STK39: variants seen among roughly 807,000 people sequenced by gnomAD.
STK39 encodes STE20/SPS1-related proline-alanine-rich protein kinase.
STK39 carries 20 observed loss-of-function variants against 77.8 expected under a neutral mutation model. The observed-to-expected ratio is 0.26, with a 90% CI of 0.18 to 0.37. The LOEUF (loss-of-function observed/expected upper bound fraction) is 0.37, where lower values mean the gene tolerates loss of function less well. STK39 is among the 10% of genes least tolerant of loss of function. STK39 has a pLI of 1.00. For synonymous variants in STK39, 246 were observed against 234.1 expected (o/e 1.05, Z -0.47); for missense variants, 479 against 656.5 (o/e 0.73, Z 2.95).
intron 10 of STK39, among the ~76,000 whole-genome samples, chr2:168,110,066 C>A (rs983782355): frequency 6.6e-6 from 1 of 152,092 alleles, no homozygotes; most frequent in Non-Finnish European, 1.5e-5. Context: ...ACAGTCTTTT[C>A]TTTTATAGAT....
chr2:168,225,887 G>A (rs764210251), intron 1 of STK39, among the ~76,000 whole-genome samples: 20 of 152,088 alleles, frequency 1.3e-4, no homozygotes, highest in Non-Finnish European at 2.8e-4. Flanking sequence ...CTGAGTTTAG[G>A]GCAGTCAGGT....
At chr2:168,227,901 C>T (rs1690348533) in intron 1 of STK39, among the ~76,000 whole-genome samples, 1 of 152,132 alleles carries the variant, frequency 6.6e-6, no homozygotes, top group African/African-American at 2.4e-5. Flanking sequence ...TAATGATCCG[C>T]CCTCCTCAGC....
chr2:168,243,941 G>A (rs1195186085), intron 1 of STK39, among the ~76,000 whole-genome samples: 1 of 152,110 alleles, frequency 6.6e-6, no homozygotes. Flanking sequence ...AGAGAGGTAA[G>A]GAACAAAGAT....
At chr2:168,049,530 G>A (rs987076491) in intron 14 of STK39, among the ~76,000 whole-genome samples, 6 of 152,202 alleles carry the variant, frequency 3.9e-5, no homozygotes, top group Non-Finnish European at 8.8e-5. Context: ...TTCCTGCTCA[G>A]GTACTAAACA....
At chr2:168,081,993 C>G (rs954153557) in intron 10 of STK39, among the ~76,000 whole-genome samples, 1 of 152,138 alleles carries the variant, frequency 6.6e-6, no homozygotes, top group Non-Finnish European at 1.5e-5. Context: ...TGCCTAGTCT[C>G]GGGTATGTCT....
intron 16 of STK39, among the ~76,000 whole-genome samples, chr2:167,995,601 G>A (rs1296972581): frequency 6.6e-6 from 1 of 152,138 alleles, no homozygotes; most frequent in Non-Finnish European, 1.5e-5. Context: ...AAAGAACAGA[G>A]AGTATCAAGA....
chr2:168,141,829 A>G (rs2105534229), intron 5 of STK39, among the ~76,000 whole-genome samples: 1 of 152,328 alleles, frequency 6.6e-6, no homozygotes, highest in Admixed American at 6.5e-5. Flanking sequence ...CCTCAAGTAC[A>G]AACCAAGGTC....
chr2:168,071,267 C>T (rs16854636), intron 12 of STK39, among the ~76,000 whole-genome samples: 3,033 of 152,112 alleles, frequency 0.02, 103 homozygotes, highest in African/African-American at 0.07. Flanking sequence ...GTTTAATATT[C>T]GACTTGCAGT....
At chr2:168,024,693 A>G (rs1353390591) in intron 14 of STK39, among the ~76,000 whole-genome samples, 1 of 152,224 alleles carries the variant, frequency 6.6e-6, no homozygotes, top group Admixed American at 6.5e-5. Context: ...TTGTTGTATC[A>G]GCACGAATGG....
At chr2:168,112,672 AT>A (rs1276010406) in intron 10 of STK39, among the ~76,000 whole-genome samples, 4 of 152,134 alleles carry the variant, frequency 2.6e-5, no homozygotes, top group African/African-American at 9.7e-5. Context: ...TATATTCAAA[AT>A]TTTGAACTTC....
At chr2:168,132,557 T>A (rs1687726363) in intron 8 of STK39, among the ~76,000 whole-genome samples, 1 of 152,160 alleles carries the variant, frequency 6.6e-6, no homozygotes, top group South Asian at 2.1e-4. Flanking sequence ...CATCTCTTGA[T>A]CTTTCGTGAC....
intron 10 of STK39, among the ~76,000 whole-genome samples, chr2:168,119,997 G>A: frequency 6.6e-6 from 1 of 152,114 alleles, no homozygotes; most frequent in East Asian, 1.9e-4. Context: ...TTAATTTTCA[G>A]GCCTGTACAC....
intron 1 of STK39, among the ~76,000 whole-genome samples, chr2:168,228,289 G>A (rs187849132): frequency 1.0e-3 from 157 of 151,768 alleles, no homozygotes; most frequent in African/African-American, 3.7e-3. Context: ...TGAAAGTACT[G>A]GGAATACAAA....
intron 1 of STK39, among the ~76,000 whole-genome samples, chr2:168,220,114 T>C (rs1447714069): frequency 6.6e-6 from 1 of 152,140 alleles, no homozygotes; most frequent in African/African-American, 2.4e-5. Flanking sequence ...GAGATAAAGG[T>C]CTCACTATGT....
At chr2:168,048,501 C>CGT (rs1297715068) in intron 14 of STK39, among the ~76,000 whole-genome samples, 5 of 137,898 alleles carry the variant, frequency 3.6e-5, no homozygotes, top group Non-Finnish European at 8.1e-5. Context: ...TGTGAGCCAC[C>CGT]GCGCCCGGCC....
At chr2:168,008,796 G>A (rs1684197340) in intron 16 of STK39, among the ~76,000 whole-genome samples, 1 of 152,116 alleles carries the variant, frequency 6.6e-6, no homozygotes, top group Non-Finnish European at 1.5e-5. Flanking sequence ...AGGAGAGGGT[G>A]GAGACTTAAA....
intron 14 of STK39, among the ~76,000 whole-genome samples, chr2:168,020,763 G>T (rs1684550348): frequency 6.6e-6 from 1 of 151,896 alleles, no homozygotes; most frequent in Non-Finnish European, 1.5e-5. Context: ...TTCCATGACT[G>T]TGTTCAATGG....
At chr2:167,976,974 A>C (rs1683291874) in intron 16 of STK39, among the ~76,000 whole-genome samples, 1 of 152,208 alleles carries the variant, frequency 6.6e-6, no homozygotes, top group Non-Finnish European at 1.5e-5. Flanking sequence ...GGTACTATGG[A>C]TATGCAGACT....
intron 10 of STK39, among the ~76,000 whole-genome samples, chr2:168,076,879 A>G (rs539259482): frequency 4.8e-4 from 73 of 152,288 alleles, no homozygotes; most frequent in African/African-American, 1.8e-3. Context: ...TTGGCAAAGT[A>G]CTATAGAAAA....
Sources: allele counts gnomAD v4.1 joint callset (sites outside exome capture counted in the v4.1 genomes callset), GRCh38; gene constraint gnomAD v4.1.1; transcripts MANE v1.5; gene names NCBI Gene and HGNC (gene_info 2026-07-23, HGNC 2026-07-21).